Variants in SORCS1 observed in about 807,000 individuals in gnomAD.
SORCS1 encodes VPS10 domain-containing receptor SorCS1.
A neutral mutation model predicts 146.1 loss-of-function variants in SORCS1; 60 were observed. The ratio of observed to expected loss-of-function variants is 0.41; its 90% CI spans 0.33 to 0.51. SORCS1 has a LOEUF of 0.51. SORCS1 is among the 20% of genes least tolerant of loss of function. The pLI, the probability that SORCS1 is intolerant of heterozygous loss-of-function variation, is 0.21. For synonymous variants in SORCS1, 637 were observed against 584.0 expected, an observed-to-expected ratio of 1.09 and a Z score of -1.31; for missense variants, 1,352 against 1,487.6, an observed-to-expected ratio of 0.91 and a Z score of 1.50.
intron 1 of SORCS1, among the ~76,000 whole-genome samples, chr10:107,041,516 A>G (rs941524003): frequency 2.6e-5 from 4 of 152,078 alleles, no homozygotes; most frequent in Non-Finnish European, 4.4e-5. Flanking sequence ...TAGTTACAGG[A>G]GCAATAATTC....
At chr10:106,870,697 T>C (rs1950374673) in intron 2 of SORCS1, among the ~76,000 whole-genome samples, 1 of 152,140 alleles carries the variant, frequency 6.6e-6, no homozygotes, top group African/African-American at 2.4e-5. Flanking sequence ...TCGAGATGGA[T>C]TAAAGACTTA....
At chr10:106,945,786 T>A (rs538954415) in intron 2 of SORCS1, among the ~76,000 whole-genome samples, 8 of 152,302 alleles carry the variant, frequency 5.3e-5, no homozygotes, top group African/African-American at 1.9e-4. Flanking sequence ...CTCAGCAGGG[T>A]GTCAATCACT....
chr10:107,032,650 G>C (rs568335468), intron 1 of SORCS1, among the ~76,000 whole-genome samples: 20 of 152,296 alleles, frequency 1.3e-4, no homozygotes, highest in African/African-American at 4.8e-4. Flanking sequence ...GATATGTGGA[G>C]ATGTCTCCAG....
At chr10:106,633,839 A>C (rs1564800825) in intron 18 of SORCS1, among the ~76,000 whole-genome samples, 1 of 152,092 alleles carries the variant, frequency 6.6e-6, no homozygotes, top group Non-Finnish European at 1.5e-5. Flanking sequence ...ACTACCCAAG[A>C]CCCAGCACTG....
chr10:106,619,327 T>C (rs559427491), intron 20 of SORCS1, among the ~76,000 whole-genome samples: 2 of 152,326 alleles, frequency 1.3e-5, no homozygotes, highest in Non-Finnish European at 2.9e-5. Flanking sequence ...AGTTTAGTTA[T>C]GGTTGCAGTA....
intron 2 of SORCS1, among the ~76,000 whole-genome samples, chr10:106,840,447 G>A (rs922580500): frequency 6.6e-6 from 1 of 152,168 alleles, no homozygotes; most frequent in African/African-American, 2.4e-5. Flanking sequence ...AACCAATGAG[G>A]AGTTGCTTCT....
rs553669939 is a variant in SORCS1 at position 106,779,359 on chromosome 10, T to C, written c.727-2667A>G. 1.3e-4 allele frequency among the ~76,000 whole-genome samples: 20 copies of C among 152,276 alleles called. No homozygotes were observed. In the East Asian group the frequency reaches 2.3e-3, roughly 18 times the overall value. On this transcript the variant is annotated intron_variant, in intron 3 of 25. Coordinates refer to ENST00000263054, the MANE Select transcript of SORCS1 (RefSeq NM_052918.5). ...CATTTTTCATTAGTTATTTTTCTTA[T>C]TGCAGAAACAACTCCATAAGACCTC...
chr10:106,613,765 C>T (rs760032319), intron 21 of SORCS1, among the ~76,000 whole-genome samples: 2 of 152,132 alleles, frequency 1.3e-5, no homozygotes, highest in Non-Finnish European at 2.9e-5. Flanking sequence ...CCTTCCTGGC[C>T]CTACATAACC....
At chr10:106,808,127 C>G (rs866249236) in intron 3 of SORCS1, among the ~76,000 whole-genome samples, 1 of 152,226 alleles carries the variant, frequency 6.6e-6, no homozygotes, top group Non-Finnish European at 1.5e-5. Flanking sequence ...TCAAGCAATT[C>G]TCCTGCCTCG....
chr10:106,934,121 A>C lies in SORCS1; in HGVS notation c.626+22392T>G, dbSNP rs1222656185. On this transcript the variant is annotated intron_variant, in intron 2 of 25. Transcript: ENST00000263054. ...AAAACAAAAAAAAAAAAAAAAAAGAAAGAAAATTTCAAAAGTGAAAATATA... is the reference window on the plus strand; with the variant it reads ...AAAACAAAAAAAAAAAAAAAAAAGACAGAAAATTTCAAAAGTGAAAATATA... Among the ~76,000 whole-genome samples the C allele has an allele frequency of 2.6e-5, 4 of 151,736 alleles. No individual in the cohort carries two copies. The East Asian group carries it at 5.8e-4, about 22-fold the overall frequency.
At chr10:106,886,782 G>A (rs1430824101) in intron 2 of SORCS1, among the ~76,000 whole-genome samples, 1 of 152,222 alleles carries the variant, frequency 6.6e-6, no homozygotes, top group Non-Finnish European at 1.5e-5. Flanking sequence ...GATTTAAGTG[G>A]AAGTTTCTAC....
chr10:107,055,854 G>A (rs1284477651), intron 1 of SORCS1, among the ~76,000 whole-genome samples: 2 of 152,170 alleles, frequency 1.3e-5, no homozygotes, highest in African/African-American at 4.8e-5. Context: ...CAGAAACGAG[G>A]AGACATATTC....
rs10658432 is a variant in SORCS1, at chr10:106,674,328, CAAAAAAAAAAAAA to C, written c.1940+708_1940+720del. Among the ~76,000 whole-genome samples the C allele has an allele frequency of 1.1e-3, 29 of 27,376 alleles. No homozygotes were observed. In the South Asian group the frequency reaches 0.045, roughly 43 times the overall value. 18.0% of individuals were successfully genotyped at this position (27,376 alleles called of 152,430 possible). ...TGGGCGACAGAGTAAGACTCCGTCT[CAAAAAAAAAAAAA>C]AAAAAAAAAAAAAAAAGTAGTAGTG... On this transcript the variant is annotated intron_variant, in intron 14 of 25. Transcript: ENST00000263054.
intron 4 of SORCS1, among the ~76,000 whole-genome samples, chr10:106,775,748 G>C (rs1464717068): frequency 6.6e-6 from 1 of 152,172 alleles, no homozygotes; most frequent in Non-Finnish European, 1.5e-5. Context: ...TTTATGGCCA[G>C]AGTCTCTCTC....
At chr10:106,841,205 C>T (rs1038750904) in intron 2 of SORCS1, among the ~76,000 whole-genome samples, 2 of 152,158 alleles carry the variant, frequency 1.3e-5, no homozygotes, top group African/African-American at 2.4e-5. Flanking sequence ...TGCAGTGGCT[C>T]ACGCCTGTAA....
At chr10:106,795,846 T>C (rs185943321) in intron 3 of SORCS1, among the ~76,000 whole-genome samples, 2 of 152,204 alleles carry the variant, frequency 1.3e-5, no homozygotes, top group Admixed American at 1.3e-4. Flanking sequence ...GGGGTCCATC[T>C]CTGCCACTGT....
intron 6 of SORCS1, 91 bp from the exon 7 acceptor site, chr10:106,709,432 T>C (rs1854794978): frequency 1.7e-6 from 1 of 605,240 alleles, no homozygotes; most frequent in Non-Finnish European, 2.8e-6. Context: ...ATATTTCCCT[T>C]ACCATTTCCA....
At chr10:106,600,674 C>T (rs1846184341) in intron 23 of SORCS1, 1 of 985,306 alleles carries the variant, frequency 1.0e-6, no homozygotes, top group Non-Finnish European at 1.2e-6. Flanking sequence ...TCTAGCAGAA[C>T]ACATCTTAGG....
At chr10:106,906,437 T>C (rs888238077) in intron 2 of SORCS1, among the ~76,000 whole-genome samples, 9 of 152,036 alleles carry the variant, frequency 5.9e-5, no homozygotes, top group Non-Finnish European at 1.2e-4. Context: ...TAATTTGACT[T>C]ACAGTTCCAC....
Sources: allele counts gnomAD v4.1 joint callset (sites outside exome capture counted in the v4.1 genomes callset), GRCh38; gene constraint gnomAD v4.1.1; transcripts MANE v1.5; gene names NCBI Gene and HGNC (gene_info 2026-07-23, HGNC 2026-07-21).